Variants in ETAA1 observed in about 807,000 individuals in gnomAD.
ETAA1 encodes ETAA1 activator of ATR kinase.
Under a neutral mutation model 76.8 loss-of-function variants are expected in ETAA1, and 49 were observed. The ratio of observed to expected loss-of-function variants is 0.64; its 90% confidence interval spans 0.51 to 0.81. The LOEUF (loss-of-function observed/expected upper bound fraction) is 0.81. Among genes scored for constraint, ETAA1 ranks in the 30% least tolerant of loss-of-function variants. ETAA1 has a pLI of 0.00. For missense variants in ETAA1, 1,099 were observed against 1,074.0 expected (o/e 1.02, Z -0.32); for synonymous variants, 373 against 372.2 (o/e 1.00, Z -0.03).
At chr2:67,400,015 T>A (rs956750404) in intron 3 of ETAA1, among the ~76,000 whole-genome samples, 2 of 152,184 alleles carry the variant, frequency 1.3e-5, no homozygotes, top group Admixed American at 1.3e-4. Flanking sequence ...TCTGTAACAT[T>A]TCCCCATTGA....
At chr2:67,397,869 A>G (rs1448644634) in intron 1 of ETAA1, among the ~76,000 whole-genome samples, 198 bp downstream of exon 1, 1 of 152,112 alleles carries the variant, frequency 6.6e-6, no homozygotes, top group Non-Finnish European at 1.5e-5. Flanking sequence ...CTACCCCGTT[A>G]GGTTTGACCA....
At position 67,398,111 on chromosome 2, in the gene ETAA1, G is replaced by T. The variant is rs537323257; in HGVS notation, c.223+440G>T. Among the ~76,000 whole-genome samples, 100 of 152,224 alleles carry T rather than the reference G, an allele frequency of 6.6e-4. 1 individual carries two copies. The highest frequency in any genetic ancestry group is 2.3e-3 in the African/African-American group (97 of 41,542). Reference sequence around the variant, plus strand: ...AGGAAAAGTTAAAGTTTGTCTCAAAGCCTGGTAGATGTCTCACCTCATTGT... The same window carrying T: ...AGGAAAAGTTAAAGTTTGTCTCAAATCCTGGTAGATGTCTCACCTCATTGT... On this transcript the variant is annotated intron_variant, in intron 1 of 5. Transcript: ENST00000272342.
chr2:67,404,215 T>C lies in ETAA1; in HGVS notation c.1533T>C (p.Leu511=), dbSNP rs1483066337. The C allele has an allele frequency of 1.9e-6, 3 of 1,611,922 alleles. No homozygotes were observed. Among genetic ancestry groups the C allele is most frequent in the South Asian group, 1.1e-5 (1 of 90,932 alleles). The change falls in exon 5 of 6, where the codon CTT becomes CTC. Residue 511 remains leucine, a synonymous_variant. Coordinates refer to ENST00000272342, the MANE Select transcript of ETAA1 (RefSeq NM_019002.4). Reference sequence around the variant, plus strand: ...TGACAAAAATAAAGGAAGATATTCTTACTAACTCTACTGAAGCTTCTGAAA... The same window carrying C: ...TGACAAAAATAAAGGAAGATATTCTCACTAACTCTACTGAAGCTTCTGAAA... The part of the protein sequence containing the change: ...SNLTKIKEDI[L]TNSTEASERK...
At position 67,410,403 on chromosome 2, in the gene ETAA1, A is replaced by AAGTT. The variant is rs1026341118; in HGVS notation, c.*369_*372dup. On this transcript the variant is annotated 3_prime_UTR_variant, in exon 6 of 6. Transcript: ENST00000272342. The stretch of plus-strand genomic sequence containing the variant: ...TCCTAATAAAAAACTTCAACTTTCT[A>AAGTT]AGTTAGTAGAGACTGTTTTTGTAGT... The AAGTT allele has an allele frequency of 1.9e-5, 3 of 161,000 alleles. No individual in the cohort carries two copies. The highest frequency in any genetic ancestry group is 7.2e-5 in the African/African-American group (3 of 41,536). 10.0% of individuals were successfully genotyped at this position (161,000 alleles called of 1,614,324 possible). A position where few individuals can be genotyped will look rare whatever the true frequency, so the allele number is the denominator to read the frequency against.
chr2:67,398,288 C>T (rs1487697296), intron 1 of ETAA1, among the ~76,000 whole-genome samples: 2 of 145,400 alleles, frequency 1.4e-5, no homozygotes. Context: ...TATTCTGGAG[C>T]ATGTTCTTGA....
At chr2:67,399,111 C>A in intron 1 of ETAA1, 58 bp from the exon 2 acceptor site, 2 of 1,498,472 alleles carry the variant, frequency 1.3e-6, no homozygotes, top group South Asian at 1.3e-5. Context: ...TGGGGTCTTA[C>A]GAAGTAAGGT....
intron 3 of ETAA1, chr2:67,400,341 C>G (rs1572906801): frequency 6.6e-6 from 1 of 152,170 alleles, no homozygotes; most frequent in South Asian, 2.1e-4. Flanking sequence ...TTTTCTTGGA[C>G]AGGCATGGTG....
chr2:67,399,188 G>A lies in ETAA1; in HGVS notation c.243G>A (p.Lys81=). ...SNPEERYETP[K]RALKMDSLSS... ...ATATAGAAAGGTATGAAACACCAAAGAGAGCGCTGAAAATGGACTCACTGT... is the reference window on the plus strand; with the variant it reads ...ATATAGAAAGGTATGAAACACCAAAAAGAGCGCTGAAAATGGACTCACTGT... Residue 81 remains lysine (K), a synonymous_variant, in exon 2 of 6, where the codon AAG becomes AAA. Coordinates refer to ENST00000272342, the MANE Select transcript of ETAA1 (RefSeq NM_019002.4). 3 of 1,612,728 alleles carry A rather than the reference G, an allele frequency of 1.9e-6. No homozygotes were observed. Among genetic ancestry groups the A allele is most frequent in the Non-Finnish European group, 2.5e-6 (3 of 1,179,314 alleles).
rs375479843 is a variant in ETAA1, at chr2:67,397,537, T to G, written c.89T>G (p.Val30Gly). ...GCGGCGGAGGAATGCGGCTCGGTGG[T>G]CGAGCCAGGGAGGAGGCGGCTGAGA... ...TVAAEECGSV[V>G]EPGRRRLRSA... is the part of the protein sequence containing the mutation. Residue 30 changes from valine (V) to glycine (G), a missense_variant, in exon 1 of 6, where the codon GTC becomes GGC. Val to Gly is a moderately radical substitution (Grantham distance 109, BLOSUM62 -3). This residue lies in a region of ETAA1 where 761 missense variants were observed against 731.9 expected (regional missense o/e 1.04). Transcript: ENST00000272342. 3.8e-6 allele frequency: 6 copies of G among 1,585,080 alleles called. No homozygotes were observed. The highest frequency in any genetic ancestry group is 5.1e-6 in the Non-Finnish European group (6 of 1,166,212).
chr2:67,410,317 A>G lies in ETAA1; in HGVS notation c.*279A>G, dbSNP rs78854817. The stretch of plus-strand genomic sequence containing the variant: ...GAAAGTAGTTATATTTTTAAATGCT[A>G]TTATTGCAGAGGATCATCAAAAAAG... On this transcript the variant is annotated 3_prime_UTR_variant, in exon 6 of 6. Transcript: ENST00000272342. 264 of 249,934 alleles carry G rather than the reference A, an allele frequency of 1.1e-3. 6 individuals are homozygous for G. The East Asian group carries it at 0.025, about 24-fold the overall frequency. The allele number at this position is 249,934 out of a possible 1,614,324, so 15.5% of individuals were successfully genotyped here.
rs199522906 is a variant in ETAA1 at position 67,403,874 on chromosome 2, G to A, written c.1192G>A (p.Asp398Asn). The part of the protein sequence containing the change: ...GSEPFAMQNI[D>N]MPELFPSKTA... ...TGAACCTTTTGCTATGCAAAATATC[G>A]ACATGCCTGAACTCTTTCCTTCTAA... Residue 398 changes from aspartate to asparagine, a missense_variant, in exon 5 of 6, where the codon GAC (aspartate) becomes AAC (asparagine). Physicochemically the swap from Asp to Asn is conservative, Grantham distance 23. Transcript: ENST00000272342. 2.7e-4 allele frequency: 430 copies of A among 1,613,042 alleles called. 3 individuals carry two copies. The South Asian group carries it at 4.4e-3, about 16-fold the overall frequency.
At chr2:67,399,379 G>A (rs369665535) in intron 2 of ETAA1, 82 bp downstream of exon 2, 8 of 1,329,146 alleles carry the variant, frequency 6.0e-6, no homozygotes, top group Middle Eastern at 2.0e-4. Flanking sequence ...TCAGATAATA[G>A]CATCGGGAAC....
At chr2:67,406,266 A>G (rs1676217991) in intron 5 of ETAA1, among the ~76,000 whole-genome samples, 1 of 152,112 alleles carries the variant, frequency 6.6e-6, no homozygotes, top group Admixed American at 6.6e-5. Context: ...TTCCTTGTCC[A>G]GGAACTTAGA....
chr2:67,411,382 T>A lies in ETAA1; in HGVS notation c.*1344T>A, dbSNP rs1057292308. On this transcript the variant is annotated 3_prime_UTR_variant, in exon 6 of 6. Coordinates refer to ENST00000272342, the MANE Select transcript of ETAA1 (RefSeq NM_019002.4). Reference sequence around the variant, plus strand: ...TAGTTACATCCCAATAAACCCATCATGAGTTGAAAATACCTTAAGTTAAAA... The same window carrying A: ...TAGTTACATCCCAATAAACCCATCAAGAGTTGAAAATACCTTAAGTTAAAA... The A allele has an allele frequency of 6.6e-6, 1 of 152,114 alleles. No homozygotes were observed. Among genetic ancestry groups the A allele is most frequent in the Non-Finnish European group, 1.5e-5 (1 of 68,002 alleles). 9.4% of individuals were successfully genotyped at this position (152,114 alleles called of 1,614,324 possible).
rs755437212 is a variant in ETAA1 at position 67,403,684 on chromosome 2, A to C, written c.1002A>C (p.Lys334Asn). Residue 334 changes from lysine (K) to asparagine (N), a missense_variant, in exon 5 of 6, where the codon AAA (lysine) becomes AAC (asparagine). Coordinates refer to ENST00000272342, the MANE Select transcript of ETAA1 (RefSeq NM_019002.4). ...CTAATGAAACTCTGGTCATTGAAAA[A>C]CTGTCAAATAAAACCCCACGATCAC... Reference protein sequence around the residue: ...IITNETLVIEKLSNKTPRSLS... With the variant: ...IITNETLVIENLSNKTPRSLS... 7.4e-6 allele frequency: 12 copies of C among 1,613,400 alleles called. No homozygotes were observed. In the Middle Eastern group the frequency reaches 1.5e-3, roughly 200 times the overall value.
At chr2:67,399,756 A>G (rs1676001304) in intron 3 of ETAA1, 130 bp downstream of exon 3, 1 of 564,786 alleles carries the variant, frequency 1.8e-6, no homozygotes, top group South Asian at 3.2e-5. Context: ...AGCAAAGATT[A>G]CTGTTTTGCC....
In ETAA1 at chr2:67,403,312, G is replaced by A; in HGVS notation, c.630G>A (p.Glu210=). The change falls in exon 5 of 6, where the codon GAG becomes GAA. Residue 210 remains glutamate, a synonymous_variant. Coordinates refer to ENST00000272342, the MANE Select transcript of ETAA1 (RefSeq NM_019002.4). ...TGGAAGAGCTAGATGTGATTCAAGA[G>A]CAAAACAAGAGGAATTATGATTTTA... The part of the protein sequence containing the change: ...KNMEELDVIQ[E]QNKRNYDFTQ... The A allele has an allele frequency of 6.2e-7, 1 of 1,606,040 alleles. No homozygotes were observed. The highest frequency in any genetic ancestry group is 2.2e-5 in the East Asian group (1 of 44,802).
intron 5 of ETAA1, among the ~76,000 whole-genome samples, chr2:67,406,782 C>G (rs1450138395): frequency 5.3e-5 from 8 of 151,940 alleles, no homozygotes; most frequent in Non-Finnish European, 1.0e-4. Flanking sequence ...ATTAATAAAT[C>G]TGTATACCCA....
chr2:67,404,457 C>T lies in ETAA1; in HGVS notation c.1775C>T (p.Ala592Val), dbSNP rs1676145890. The T allele has an allele frequency of 6.2e-7, 1 of 1,613,230 alleles. No individual in the cohort carries two copies. The highest frequency in any genetic ancestry group is 8.5e-7 in the Non-Finnish European group (1 of 1,179,498). The change falls in exon 5 of 6, where the codon GCA (alanine) becomes GTA (valine). Residue 592 changes from alanine to valine, a missense_variant. Physicochemically the swap from Ala to Val is moderately conservative, Grantham distance 64 (BLOSUM62 0). Coordinates refer to ENST00000272342, the MANE Select transcript of ETAA1 (RefSeq NM_019002.4). ...TCATTTGCCAATGAAATTATTAAAG[C>T]ATGTCATCAATTAGATAATACCTGG... ...DPSFANEIIK[A>V]CHQLDNTWEA...
Sources: allele counts gnomAD v4.1 joint callset (sites outside exome capture counted in the v4.1 genomes callset), GRCh38; gene constraint gnomAD v4.1.1; regional missense constraint gnomAD v4.1.1; transcripts MANE v1.5; gene names NCBI Gene and HGNC (gene_info 2026-07-23, HGNC 2026-07-21).